Variants in CATSPERE observed in about 807,000 individuals in gnomAD.
The protein encoded by CATSPERE is cation channel sperm-associated auxiliary subunit epsilon.
CATSPERE carries 93 observed loss-of-function variants against 114.1 expected under a neutral mutation model. That is an observed-to-expected ratio of 0.81 (90% CI 0.69 to 0.97). The LOEUF is 0.97. CATSPERE is among the 50% of genes least tolerant of loss of function. The probability of loss-of-function intolerance (pLI) is 0.00; values close to 1 mark genes in which losing one functional copy is unlikely to be tolerated. For synonymous variants in CATSPERE, 341 were observed against 384.1 expected (o/e 0.89, Z 1.31); for missense variants, 1,058 against 1,131.6 (o/e 0.93, Z 0.93).
intron 9 of CATSPERE, among the ~76,000 whole-genome samples, chr1:244,559,744 G>A (rs1662256070): frequency 6.6e-6 from 1 of 152,148 alleles, no homozygotes; most frequent in Non-Finnish European, 1.5e-5. Context: ...ACATCAAGGT[G>A]AAAGGCACAC....
rs1420029333 is a variant in CATSPERE, at chr1:244,621,095, A to T, written c.2648+3409A>T. The stretch of plus-strand genomic sequence containing the variant: ...AAAATATATATATAAATATATATAA[A>T]ATATATATAAATATATATATAATAT... On this transcript the variant is annotated intron_variant, in intron 20 of 21. Transcript: ENST00000366534. Among the ~76,000 whole-genome samples the T allele has an allele frequency of 4.2e-4, 29 of 69,460 alleles. 3 individuals carry two copies. The highest frequency in any genetic ancestry group is 9.0e-4 in the African/African-American group (16 of 17,688). The allele number at this position is 69,460 out of a possible 152,430, so 45.6% of individuals were successfully genotyped here. A position where few individuals can be genotyped will look rare whatever the true frequency, so the allele number is the denominator to read the frequency against.
chr1:244,635,921 A>G (rs1013335822), intron 21 of CATSPERE, among the ~76,000 whole-genome samples: 4 of 152,174 alleles, frequency 2.6e-5, no homozygotes, highest in Non-Finnish European at 4.4e-5. Flanking sequence ...GTGTGTATAC[A>G]GGGGCACAGC....
chr1:244,617,495 G>T, intron 19 of CATSPERE, 34 bp from the exon 20 acceptor site: 2 of 1,449,142 alleles, frequency 1.4e-6, no homozygotes, highest in South Asian at 2.9e-5. Flanking sequence ...GTCATAAAAT[G>T]ACCTTAAAAT....
intron 20 of CATSPERE, 27 bp downstream of exon 20, chr1:244,617,713 G>A (rs751211905): frequency 3.3e-5 from 49 of 1,482,540 alleles, no homozygotes; most frequent in Non-Finnish European, 4.4e-5. Flanking sequence ...CTGTAATAGT[G>A]TTAGCATTAG....
chr1:244,621,276 T>G (rs28406962), intron 20 of CATSPERE, among the ~76,000 whole-genome samples: 1,711 of 12,704 alleles, frequency 0.13, 703 homozygotes, highest in Middle Eastern at 0.42. Context: ...TATAGATATA[T>G]CTATATAGAT....
Position 244,526,308 on chromosome 1 carries a change from C to G in CATSPERE, c.536+7610C>G, listed in dbSNP as rs889070046. Among the ~76,000 whole-genome samples the G allele has an allele frequency of 7.9e-5, 12 of 151,710 alleles. No individual in the cohort carries two copies. The East Asian group carries it at 2.3e-3, about 29-fold the overall frequency. ...CCTGTAGTCTCAGCTACTGGGGAGG[C>G]TGAGGTAGGAAGAATGCCCAAGCCC... On this transcript the variant is annotated intron_variant, in intron 8 of 21. Coordinates refer to ENST00000366534, the MANE Select transcript of CATSPERE (RefSeq NM_001130957.2).
intron 17 of CATSPERE, among the ~76,000 whole-genome samples, chr1:244,603,654 C>CA (rs1490909417): frequency 7.3e-6 from 1 of 136,642 alleles, no homozygotes; most frequent in African/African-American, 2.6e-5. Flanking sequence ...CAGCTCAGTT[C>CA]AATTAAGATT....
chr1:244,517,773 C>CAAAAA (rs113797840), intron 7 of CATSPERE, among the ~76,000 whole-genome samples: 42 of 140,914 alleles, frequency 3.0e-4, no homozygotes, highest in African/African-American at 1.0e-3. Flanking sequence ...ACTCTTGTCT[C>CAAAAA]AAAAAAAAAA....
chr1:244,524,621 T>C (rs370656515), intron 8 of CATSPERE, among the ~76,000 whole-genome samples: 2 of 151,628 alleles, frequency 1.3e-5, no homozygotes, highest in East Asian at 3.9e-4. Context: ...GAATCTACAA[T>C]GAACTCAAAC....
At position 244,605,620 on chromosome 1, in the gene CATSPERE, T is replaced by C. The variant is rs1041082641; in HGVS notation, c.2304-75T>C. On this transcript the variant is annotated intron_variant, in intron 17 of 21. Coordinates refer to ENST00000366534, the MANE Select transcript of CATSPERE (RefSeq NM_001130957.2). ...GACAGGATTTAAACCTAAGCACTTC[T>C]GACTCAGAAGCTGGAACTCTTAACC... is the stretch of plus-strand genomic sequence containing the variant. 71 of 933,054 alleles carry C rather than the reference T, an allele frequency of 7.6e-5. No homozygotes were observed. In the African/African-American group the frequency reaches 1.1e-3, roughly 14 times the overall value. 57.8% of individuals were successfully genotyped at this position (933,054 alleles called of 1,614,324 possible).
chr1:244,498,856 C>T (rs781598617), intron 6 of CATSPERE, 146 bp from the exon 7 acceptor site: 3 of 485,134 alleles, frequency 6.2e-6, no homozygotes, highest in Non-Finnish European at 1.1e-5. Flanking sequence ...TGAGATTGCA[C>T]CCCTGCACTC....
chr1:244,524,185 A>G lies in CATSPERE; in HGVS notation c.536+5487A>G, dbSNP rs1441389347. 3.4e-5 allele frequency among the ~76,000 whole-genome samples: 5 copies of G among 145,692 alleles called. 1 individual carries two copies. Among genetic ancestry groups the G allele is most frequent in the African/African-American group, 5.6e-5 (2 of 35,998 alleles). On this transcript the variant is annotated intron_variant, in intron 8 of 21. Coordinates refer to ENST00000366534, the MANE Select transcript of CATSPERE (RefSeq NM_001130957.2). ...ACAGAGCCCTCAGAAATAACGCTTC[A>G]TATCTACAACCATCTGATCTTTGAC...
intron 17 of CATSPERE, among the ~76,000 whole-genome samples, chr1:244,600,371 A>AG (rs77999828): frequency 1.5e-3 from 214 of 144,954 alleles, no homozygotes; most frequent in South Asian, 1.5e-3. Context: ...AAAAAAAAAA[A>AG]AGAGAGAGAG....
chr1:244,598,608 T>C (rs577575308), intron 17 of CATSPERE: 7 of 359,220 alleles, frequency 1.9e-5, no homozygotes, highest in Non-Finnish European at 3.5e-5. Context: ...CCCAGTCTTA[T>C]GCTTGCCTCC....
Position 244,507,666 on chromosome 1 carries a change from A to G in CATSPERE, c.429+8587A>G, listed in dbSNP as rs377029575. Among the ~76,000 whole-genome samples the G allele has an allele frequency of 8.4e-4, 128 of 152,062 alleles. 4 individuals carry two copies. In the South Asian group the frequency reaches 0.026, roughly 31 times the overall value. ...ATTTTGAGTTGATATATATATAGTG[A>G]GAGATAAAGGTTTAATTTCATCCTT... On this transcript the variant is annotated intron_variant, in intron 7 of 21. Transcript: ENST00000366534.
rs199722855 is a variant in CATSPERE, at chr1:244,583,211, AT to A, written c.2010-644del. On this transcript the variant is annotated intron_variant, in intron 12 of 21. Transcript: ENST00000366534. ...ACACTTTTTATGTTTGTTTGTCCTCATTTTTTTTTGACAAAAAAAACCTTAG... is the reference window on the plus strand; with the variant it reads ...ACACTTTTTATGTTTGTTTGTCCTCATTTTTTTTGACAAAAAAAACCTTAG... 5.3e-5 allele frequency among the ~76,000 whole-genome samples: 8 copies of A among 150,698 alleles called. 1 individual carries two copies. Among genetic ancestry groups the A allele is most frequent in the South Asian group, 4.2e-4 (2 of 4,770 alleles).
chr1:244,455,996 ATAG>A (rs1175313469), intron 1 of CATSPERE, among the ~76,000 whole-genome samples: 1 of 152,196 alleles, frequency 6.6e-6, no homozygotes, highest in Non-Finnish European at 1.5e-5. Context: ...GAGTTGGCTA[ATAG>A]TAGTTACGGA....
At chr1:244,585,888 G>A (rs1034572137) in intron 13 of CATSPERE, among the ~76,000 whole-genome samples, 66 of 152,314 alleles carry the variant, frequency 4.3e-4, no homozygotes, top group African/African-American at 1.4e-3. Flanking sequence ...AGCCCCCAGA[G>A]GGCCTTAGTA....
At chr1:244,595,748 A>T (rs184329207) in intron 17 of CATSPERE, among the ~76,000 whole-genome samples, 1 of 152,116 alleles carries the variant, frequency 6.6e-6, no homozygotes, top group Non-Finnish European at 1.5e-5. Flanking sequence ...TGGCTAACAC[A>T]GTGAAACCCT....
Sources: allele counts gnomAD v4.1 joint callset (sites outside exome capture counted in the v4.1 genomes callset), GRCh38; gene constraint gnomAD v4.1.1; transcripts MANE v1.5; gene names NCBI Gene and HGNC (gene_info 2026-07-23, HGNC 2026-07-21).